The following STAB2 variants were observed in gnomAD, a reference collection of about 807,000 sequenced individuals.
STAB2 encodes the protein stabilin 2.
In STAB2, 288 loss-of-function variants were observed where a neutral mutation model predicts 338.1. The ratio of observed to expected loss-of-function variants is 0.85; its 90% CI spans 0.77 to 0.94. The LOEUF is 0.94. STAB2 is among the 40% of genes least tolerant of loss of function. STAB2 has a pLI of 0.00. For missense variants in STAB2, 3,141 were observed against 3,210.1 expected, an observed-to-expected ratio of 0.98 and a Z score of 0.52; for synonymous variants, 1,202 against 1,193.3, an observed-to-expected ratio of 1.01 and a Z score of -0.15.
At chr12:103,765,213 A>C (rs1247916358) in intron 68 of STAB2, among the ~76,000 whole-genome samples, 3 of 151,980 alleles carry the variant, frequency 2.0e-5, no homozygotes, top group Non-Finnish European at 4.4e-5. Flanking sequence ...CATCCTCTCC[A>C]ATGCACCCCA....
intron 54 of STAB2, among the ~76,000 whole-genome samples, chr12:103,740,405 G>A (rs1408256775): frequency 6.6e-6 from 1 of 151,950 alleles, no homozygotes; most frequent in African/African-American, 2.4e-5. Context: ...TGAGACTGGG[G>A]AGAAATCTTC....
intron 44 of STAB2, among the ~76,000 whole-genome samples, chr12:103,719,868 C>G (rs989764834): frequency 6.6e-6 from 1 of 152,242 alleles, no homozygotes; most frequent in Non-Finnish European, 1.5e-5. Flanking sequence ...TACTCAAGAC[C>G]TGCACCCTTG....
At chr12:103,705,485 TAAG>T (rs1879262694) in intron 36 of STAB2, 144 bp from the exon 37 acceptor site, 2 of 630,244 alleles carry the variant, frequency 3.2e-6, no homozygotes, top group Admixed American at 2.9e-5. Flanking sequence ...TTTTCTTGCT[TAAG>T]AAGCAGTGCC....
At chr12:103,749,568 G>T (rs983495946) in intron 59 of STAB2, among the ~76,000 whole-genome samples, 5 of 151,600 alleles carry the variant, frequency 3.3e-5, no homozygotes, top group Non-Finnish European at 5.9e-5. Flanking sequence ...GGTGGCTCAC[G>T]CCTGTAATCC....
intron 42 of STAB2, among the ~76,000 whole-genome samples, chr12:103,714,517 G>A (rs1757729825): frequency 6.6e-6 from 1 of 152,084 alleles, no homozygotes; most frequent in Admixed American, 6.6e-5. Flanking sequence ...GGCCAACATG[G>A]TGAAACCACA....
intron 58 of STAB2, among the ~76,000 whole-genome samples, chr12:103,748,282 T>G (rs1883240603): frequency 6.6e-6 from 1 of 152,160 alleles, no homozygotes; most frequent in East Asian, 1.9e-4. Flanking sequence ...TATTTATTCT[T>G]CCAGGGTCTC....
chr12:103,649,809 T>C (rs750976288), intron 10 of STAB2, among the ~76,000 whole-genome samples: 20 of 152,172 alleles, frequency 1.3e-4, no homozygotes, highest in Non-Finnish European at 2.9e-4. Context: ...ACTCTTAGAA[T>C]ACCAAATGGG....
chr12:103,608,738 G>A (rs1234063570), intron 3 of STAB2, among the ~76,000 whole-genome samples: 2 of 152,154 alleles, frequency 1.3e-5, no homozygotes, highest in African/African-American at 4.8e-5. Flanking sequence ...TGCTTTTGGT[G>A]TTTTAGACAT....
intron 54 of STAB2, 79 bp downstream of exon 54, chr12:103,739,547 G>GT: frequency 1.2e-6 from 1 of 821,224 alleles, no homozygotes; most frequent in Non-Finnish European, 1.8e-6. Context: ...GTGTGTGTGT[G>GT]TGTGTGTGTG....
At chr12:103,713,893 C>A in intron 42 of STAB2, 125 bp downstream of exon 42, 1 of 1,476,786 alleles carries the variant, frequency 6.8e-7, no homozygotes, top group East Asian at 2.3e-5. Flanking sequence ...TTTGCCAGGG[C>A]AGGAAAGTAT....
At chr12:103,686,740 A>G (rs1877469525) in intron 27 of STAB2, among the ~76,000 whole-genome samples, 1 of 152,112 alleles carries the variant, frequency 6.6e-6, no homozygotes, top group South Asian at 2.1e-4. Context: ...TGATTCACAT[A>G]CCTCGGCCTC....
In STAB2 at chr12:103,742,438, A is replaced by G; in HGVS notation, c.5915A>G (p.Asn1972Ser). 2.5e-6 allele frequency: 4 copies of G among 1,614,068 alleles called. No homozygotes were observed. The highest frequency in any genetic ancestry group is 2.5e-6 in the Non-Finnish European group (3 of 1,180,010). Residue 1972 changes from asparagine to serine, a missense_variant, in exon 56 of 69, where the codon AAC (asparagine) becomes AGC (serine). Physicochemically the swap from Asn to Ser is conservative, Grantham distance 46. Transcript: ENST00000388887. Reference protein sequence around the residue: ...CPGGPDAPCNNRGVCLDQYSA... With the variant: ...CPGGPDAPCNSRGVCLDQYSA... The stretch of plus-strand genomic sequence containing the variant: ...GGAGGACCAGATGCCCCGTGTAATA[A>G]CCGGGGTGTCTGCCTTGATCAGTAC...
At chr12:103,588,924 C>T (rs1276411576) in intron 1 of STAB2, among the ~76,000 whole-genome samples, 4 of 152,098 alleles carry the variant, frequency 2.6e-5, no homozygotes, top group African/African-American at 4.8e-5. Flanking sequence ...ATGAAAACTC[C>T]TGGTAAAAAT....
Position 103,632,282 on chromosome 12 carries a change from G to A in STAB2, c.583+589G>A, listed in dbSNP as rs112382840. On this transcript the variant is annotated intron_variant, in intron 6 of 68. Transcript: ENST00000388887. ...GAAGTTTAATAGGGATAATTAGTACGCTATGATAGGAGAGCAGCTGTAAAA... is the reference window on the plus strand; with the variant it reads ...GAAGTTTAATAGGGATAATTAGTACACTATGATAGGAGAGCAGCTGTAAAA... 6.5e-3 allele frequency among the ~76,000 whole-genome samples: 985 copies of A among 152,332 alleles called. 8 individuals carry two copies. Among genetic ancestry groups the A allele is most frequent in the African/African-American group, 0.022 (931 of 41,568 alleles).
chr12:103,620,626 C>A (rs1957284839), intron 4 of STAB2, 73 bp downstream of exon 4: 2 of 250,118 alleles, frequency 8.0e-6, no homozygotes, highest in Non-Finnish European at 1.4e-5. Context: ...CCTCCTTAAA[C>A]ACACACACAC....
Position 103,640,233 on chromosome 12 carries a change from C to T in STAB2, c.1017C>T (p.Thr339=). The change falls in exon 9 of 69, where the codon ACC becomes ACT. Residue 339 remains threonine, a synonymous_variant. Transcript: ENST00000388887. ...DNPCHRNANC[T]TVAPGRTECI... is the part of the protein sequence containing the mutation. ...CGTGTCATAGGAATGCAAATTGCAC[C>T]ACCGTCGCACCAGGCCGAACTGAGT... is the stretch of plus-strand genomic sequence containing the variant. 6.2e-7 allele frequency: 1 copy of T among 1,613,340 alleles called. No homozygotes were observed.
chr12:103,608,248 C>T (rs548431403), intron 3 of STAB2, among the ~76,000 whole-genome samples: 2 of 152,304 alleles, frequency 1.3e-5, no homozygotes, highest in South Asian at 2.1e-4. Flanking sequence ...ACGCCATTCT[C>T]CTGCCTCAGC....
At chr12:103,736,032 C>CT (rs769800029) in intron 52 of STAB2, among the ~76,000 whole-genome samples, 16 of 152,202 alleles carry the variant, frequency 1.1e-4, no homozygotes, top group Non-Finnish European at 2.1e-4. Context: ...CAATTTTTAC[C>CT]TTCCCTGGCT....
intron 18 of STAB2, among the ~76,000 whole-genome samples, chr12:103,663,472 G>A (rs1874803031): frequency 6.6e-6 from 1 of 152,046 alleles, no homozygotes; most frequent in East Asian, 1.9e-4. Flanking sequence ...TGCCCAGTCT[G>A]GAAATGACAG....
Sources: allele counts gnomAD v4.1 joint callset (sites outside exome capture counted in the v4.1 genomes callset), GRCh38; gene constraint gnomAD v4.1.1; transcripts MANE v1.5; gene names NCBI Gene and HGNC (gene_info 2026-07-23, HGNC 2026-07-21).